Variants in TTL observed in about 807,000 individuals in gnomAD.
TTL encodes tubulin tyrosine ligase.
TTL carries 10 observed loss-of-function variants against 41.1 expected under a neutral mutation model. The ratio of observed to expected loss-of-function variants is 0.24; its 90% CI spans 0.15 to 0.41. TTL has a LOEUF of 0.41. Among genes scored for constraint, TTL ranks in the 10% least tolerant of loss-of-function variants. The pLI is 1.00. For missense variants in TTL, 367 were observed against 460.4 expected, an observed-to-expected ratio of 0.80 and a Z score of 1.86; for synonymous variants, 175 against 175.5, an observed-to-expected ratio of 1.00 and a Z score of 0.02.
At chr2:112,493,172 G>T (rs779433034) in intron 2 of TTL, among the ~76,000 whole-genome samples, 1 of 152,082 alleles carries the variant, frequency 6.6e-6, no homozygotes. Flanking sequence ...TCACAGACTG[G>T]GTTTTGTAGG....
rs766337558 is a variant in TTL, at chr2:112,494,222, A to G, written c.316A>G (p.Lys106Glu). ...TTATGTGATTTATCCAACCAATCTCAAGACTCCAGTTGCTCCAGCACAGAA... is the reference window on the plus strand; with the variant it reads ...TTATGTGATTTATCCAACCAATCTCGAGACTCCAGTTGCTCCAGCACAGAA... Reference protein sequence around the residue: ...ESYVIYPTNLKTPVAPAQNGI... With the variant: ...ESYVIYPTNLETPVAPAQNGI... Residue 106 changes from lysine (K) to glutamate (E), a missense_variant, in exon 3 of 7, where the codon AAG becomes GAG. Coordinates refer to ENST00000233336, the MANE Select transcript of TTL (RefSeq NM_153712.5). 6.2e-7 allele frequency: 1 copy of G among 1,611,850 alleles called. No individual in the cohort carries two copies. The highest frequency in any genetic ancestry group is 1.1e-5 in the South Asian group (1 of 91,038).
Position 112,531,872 on chromosome 2 carries a change from G to C in TTL, c.*3077G>C. On this transcript the variant is annotated 3_prime_UTR_variant, in exon 7 of 7. Transcript: ENST00000233336. ...AGTTTATGAAGCTTTGACAACAAATGTAAACAGACACGAAATTATAAATCT... is the reference window on the plus strand; with the variant it reads ...AGTTTATGAAGCTTTGACAACAAATCTAAACAGACACGAAATTATAAATCT... 1 of 222,336 alleles carries C rather than the reference G, an allele frequency of 4.5e-6. No individual in the cohort carries two copies. The highest frequency in any genetic ancestry group is 9.0e-6 in the Non-Finnish European group (1 of 111,326). 13.8% of individuals were successfully genotyped at this position (222,336 alleles called of 1,614,324 possible).
intron 6 of TTL, among the ~76,000 whole-genome samples, chr2:112,523,339 T>G (rs1213645003): frequency 9.2e-5 from 8 of 86,832 alleles, no homozygotes. Flanking sequence ...TGTCTGTGGG[T>G]GTGTGTGTGT....
chr2:112,514,615 A>G (rs1574067457), intron 5 of TTL, among the ~76,000 whole-genome samples: 1 of 152,138 alleles, frequency 6.6e-6, no homozygotes, highest in African/African-American at 2.4e-5. Flanking sequence ...ATTGCTCTTA[A>G]TGTATCTCTT....
chr2:112,488,089 C>T (rs1681290426), intron 2 of TTL, among the ~76,000 whole-genome samples: 1 of 152,174 alleles, frequency 6.6e-6, no homozygotes, highest in Admixed American at 6.5e-5. Flanking sequence ...GTGCAAGACC[C>T]TGTGCAGCCC....
Position 112,532,222 on chromosome 2 carries a change from C to T in TTL, c.*3427C>T, listed in dbSNP as rs1682523911. The T allele has an allele frequency of 4.4e-6, 1 of 227,782 alleles. No individual in the cohort carries two copies. The highest frequency in any genetic ancestry group is 1.8e-4 in the South Asian group (1 of 5,506). 14.1% of individuals were successfully genotyped at this position (227,782 alleles called of 1,614,324 possible). On this transcript the variant is annotated 3_prime_UTR_variant, in exon 7 of 7. Coordinates refer to ENST00000233336, the MANE Select transcript of TTL (RefSeq NM_153712.5). The stretch of plus-strand genomic sequence containing the variant: ...CAAGTGTGGTGAGAGGCTCTACTAG[C>T]AAAGACATGGGCACCGGAGTAGGTC...
At chr2:112,489,958 T>A (rs1192853648) in intron 2 of TTL, among the ~76,000 whole-genome samples, 1 of 152,172 alleles carries the variant, frequency 6.6e-6, no homozygotes, top group African/African-American at 2.4e-5. Flanking sequence ...GAAAAGTAAA[T>A]CTTTATTTAA....
At position 112,502,854 on chromosome 2, in the gene TTL, T is replaced by C. The variant is rs1228017910; in HGVS notation, c.606-58T>C. The C allele has an allele frequency of 1.9e-6, 3 of 1,554,470 alleles. No individual in the cohort carries two copies. The East Asian group carries it at 6.8e-5, about 35-fold the overall frequency. On this transcript the variant is annotated intron_variant, in intron 4 of 6. Transcript: ENST00000233336. ...AAGTCAAGATGTGGGGATTGATGTA[T>C]ATAATATGCAGAAACTTTGGATGAC...
Position 112,494,258 on chromosome 2 carries a change from C to T in TTL, c.352C>T (p.Pro118Ser), listed in dbSNP as rs754316695. 1.2e-6 allele frequency: 2 copies of T among 1,614,108 alleles called. No individual in the cohort carries two copies. Among genetic ancestry groups the T allele is most frequent in the South Asian group, 2.2e-5 (2 of 91,076 alleles). ...PVAPAQNGIQ[P>S]PISNSRTDER... is the part of the protein sequence containing the mutation. ...TGCTCCAGCACAGAATGGAATTCAG[C>T]CACCAATCAGTAACTCAAGGACAGA... Residue 118 changes from proline (P) to serine (S), a missense_variant, in exon 3 of 7, where the codon CCA becomes TCA. Transcript: ENST00000233336.
chr2:112,525,776 A>C (rs534897086), intron 6 of TTL, among the ~76,000 whole-genome samples: 3 of 152,156 alleles, frequency 2.0e-5, no homozygotes, highest in East Asian at 1.9e-4. Context: ...AATACCCTTT[A>C]TTTCTTTCTC....
intron 5 of TTL, among the ~76,000 whole-genome samples, chr2:112,515,103 T>C (rs551042428): frequency 1.3e-5 from 2 of 152,220 alleles, no homozygotes; most frequent in African/African-American, 2.4e-5. Context: ...AGTTGTCTTA[T>C]GAAATTCTCC....
At chr2:112,494,100 G>A (rs765206494) in intron 2 of TTL, 43 bp from the exon 3 acceptor site, 2 of 1,523,160 alleles carry the variant, frequency 1.3e-6, no homozygotes, top group Admixed American at 3.5e-5. Flanking sequence ...GAGTGACAAA[G>A]TGCACTAAGA....
intron 2 of TTL, 102 bp from the exon 3 acceptor site, chr2:112,494,041 C>A (rs1559011671): frequency 2.4e-6 from 2 of 822,304 alleles, no homozygotes; most frequent in Non-Finnish European, 1.9e-6. Flanking sequence ...CTGAGTCATG[C>A]TTTGCCTCCC....
chr2:112,511,363 G>A (rs796430109), intron 5 of TTL, among the ~76,000 whole-genome samples: 20 of 151,766 alleles, frequency 1.3e-4, no homozygotes, highest in African/African-American at 3.9e-4. Context: ...GCCGAGAAGC[G>A]ATGTTTGTTC....
In TTL at chr2:112,502,934, C is replaced by T; in HGVS notation, c.628C>T (p.Gln210Ter). 6.2e-7 allele frequency: 1 copy of T among 1,605,446 alleles called. No homozygotes were observed. Among genetic ancestry groups the T allele is most frequent in the Non-Finnish European group, 8.5e-7 (1 of 1,175,204 alleles). ...DIRSWVLVDH[Q>*]YNIYLYREGV... is the part of the protein sequence containing the mutation. ...CAGAAGCTGGGTCTTGGTGGATCAT[C>T]AGTATAATATCTACCTCTATAGAGA... Residue 210 changes from glutamine (Q) to a stop codon, truncating the protein, a stop_gained, in exon 5 of 7, where the codon CAG (glutamine) becomes TAG (stop). Coordinates refer to ENST00000233336, the MANE Select transcript of TTL (RefSeq NM_153712.5). LOFTEE classifies it high-confidence loss of function.
intron 6 of TTL, among the ~76,000 whole-genome samples, chr2:112,524,243 T>C (rs1365190610): frequency 1.3e-5 from 2 of 152,212 alleles, no homozygotes; most frequent in Non-Finnish European, 2.9e-5. Context: ...TGAATAGTGC[T>C]ACAATAAACA....
chr2:112,533,439 C>G lies in TTL; in HGVS notation c.*4644C>G, dbSNP rs892558023. ...CTTAACCTGAAGTTCTCCCATAACC[C>G]ATATTTTAGAAGTGTTTTCCCCAAA... On this transcript the variant is annotated 3_prime_UTR_variant, in exon 7 of 7. Coordinates refer to ENST00000233336, the MANE Select transcript of TTL (RefSeq NM_153712.5). The G allele has an allele frequency of 6.6e-6, 1 of 152,270 alleles. No homozygotes were observed. The highest frequency in any genetic ancestry group is 6.5e-5 in the Admixed American group (1 of 15,288). 9.4% of individuals were successfully genotyped at this position (152,270 alleles called of 1,614,324 possible). A position where few individuals can be genotyped will look rare whatever the true frequency, so the allele number is the denominator to read the frequency against.
chr2:112,513,087 A>G (rs779911020), intron 5 of TTL, among the ~76,000 whole-genome samples: 11 of 152,048 alleles, frequency 7.2e-5, no homozygotes, highest in Non-Finnish European at 1.6e-4. Context: ...ATAGTTCACT[A>G]ACTCTTGCCC....
In TTL at chr2:112,516,749, A is replaced by G. The variant is rs1462944676; in HGVS notation, c.876-3533A>G. Among the ~76,000 whole-genome samples the G allele has an allele frequency of 2.0e-5, 3 of 152,104 alleles. 1 individual carries two copies. In the South Asian group the frequency reaches 6.2e-4, roughly 32 times the overall value. On this transcript the variant is annotated intron_variant, in intron 5 of 6. Transcript: ENST00000233336. ...GATCTCCATTCTGTCCCATTGTTCT[A>G]CCATCCACCATGTCAATGCTACCCT...
Sources: gnomAD v4.1 joint callset for allele counts (sites outside exome capture counted in the v4.1 genomes callset) on GRCh38, gnomAD v4.1.1 for gene constraint, MANE v1.5 for transcripts, NCBI Gene and HGNC (gene_info 2026-07-23, HGNC 2026-07-21) for gene names.